COL7A1: variants seen among roughly 807,000 people sequenced by gnomAD.
COL7A1 encodes the protein collagen alpha-1(VII) chain.
A neutral mutation model predicts 456.2 loss-of-function variants in COL7A1; 296 were observed. The ratio of observed to expected loss-of-function variants is 0.65; its 90% confidence interval spans 0.59 to 0.71. The LOEUF is 0.71. Among genes scored for constraint, COL7A1 ranks in the 30% least tolerant of loss-of-function variants. The pLI is 0.00. For synonymous variants in COL7A1, 1,464 were observed against 1,525.9 expected, an observed-to-expected ratio of 0.96 and a Z score of 0.95; for missense variants, 3,441 against 4,017.2, an observed-to-expected ratio of 0.86 and a Z score of 3.88.
At position 48,574,174 on chromosome 3, in the gene COL7A1, C is replaced by A; in HGVS notation, c.6501+88G>T. The A allele has an allele frequency of 6.6e-7, 1 of 1,516,820 alleles. No individual in the cohort carries two copies. The highest frequency in any genetic ancestry group is 9.1e-7 in the Non-Finnish European group (1 of 1,095,774). The allele number at this position is 1,516,820 out of a possible 1,614,324, so 94.0% of individuals were successfully genotyped here. ...ACACAGACACAGGTACACACAAACA[C>A]ACACACACAGACATGCACACACACA... On this transcript the variant is annotated intron_variant, in intron 80 of 118. Transcript: ENST00000681320. This position sits in a 1 kb window ranked among gnomAD's most constrained non-coding sequence, Gnocchi z 5.0.
Position 48,571,783 on chromosome 3 carries a change from A to G in COL7A1, c.7068+218T>C. Reference sequence around the variant, plus strand: ...CCCAGATGTGGTGAGAAACAGACCAAGGATGGGCACACAGAAGCCAAGACA... The same window carrying G: ...CCCAGATGTGGTGAGAAACAGACCAGGGATGGGCACACAGAAGCCAAGACA... On this transcript the variant is annotated intron_variant, in intron 92 of 118. Coordinates refer to ENST00000681320, the MANE Select transcript of COL7A1 (RefSeq NM_000094.4). This position sits in a 1 kb window ranked among gnomAD's most constrained non-coding sequence, Gnocchi z 4.6. 1.5e-6 allele frequency: 1 copy of G among 647,056 alleles called. No homozygotes were observed. The highest frequency in any genetic ancestry group is 2.8e-6 in the Non-Finnish European group (1 of 360,910). 40.1% of individuals were successfully genotyped at this position (647,056 alleles called of 1,614,324 possible).
chr3:48,580,323 G>A lies in COL7A1; in HGVS notation c.5074C>T (p.Pro1692Ser). 6.8e-6 allele frequency: 11 copies of A among 1,610,530 alleles called. No homozygotes were observed. The highest frequency in any genetic ancestry group is 9.3e-6 in the Non-Finnish European group (11 of 1,178,358). ...ACCGGCTCCCCACGGTCACCCTTGG[G>A]TCCAGATGATCCAGGGCTGCCCTGC... is the stretch of plus-strand genomic sequence containing the variant. ...GRNGSPGSSGPKGDRGEPGPP... is the reference protein window; with the variant it reads ...GRNGSPGSSGSKGDRGEPGPP... Residue 1692 changes from proline to serine, a missense_variant, in exon 56 of 119, where the codon CCC becomes TCC. Coordinates refer to ENST00000681320, the MANE Select transcript of COL7A1 (RefSeq NM_000094.4). The surrounding 1 kb of genome is among the most constrained non-coding windows in gnomAD (Gnocchi z 4.5).
At chr3:48,584,101 C>G (rs1353713753) in intron 37 of COL7A1, 40 bp from the exon 38 acceptor site, 4 of 1,614,156 alleles carry the variant, frequency 2.5e-6, no homozygotes, top group Non-Finnish European at 3.4e-6. Flanking sequence ...TGGGCCACAC[C>G]TCACTCCCAA....
chr3:48,594,698 G>A lies in COL7A1; in HGVS notation c.86-150C>T. 1 of 970,230 alleles carries A rather than the reference G, an allele frequency of 1.0e-6. No homozygotes were observed. Among genetic ancestry groups the A allele is most frequent in the Non-Finnish European group, 1.5e-6 (1 of 657,234 alleles). The allele number at this position is 970,230 out of a possible 1,614,324, so 60.1% of individuals were successfully genotyped here. A position where few individuals can be genotyped will look rare whatever the true frequency, so the allele number is the denominator to read the frequency against. The stretch of plus-strand genomic sequence containing the variant: ...GAATCGGCCTGAGCCTGAGGGCCTT[G>A]GAGGGAGTTGAGCTCGGTGGGTCCC... On this transcript the variant is annotated intron_variant, in intron 2 of 118. Coordinates refer to ENST00000681320, the MANE Select transcript of COL7A1 (RefSeq NM_000094.4). This position sits in a 1 kb window ranked among gnomAD's most constrained non-coding sequence, Gnocchi z 5.5.
rs375356289 is a variant in COL7A1, at chr3:48,565,563, C to A, written c.8441-67G>T. ...TGGGCAGCCATCCCAGCCAACCCCC[C>A]TGAGAGGACCCCAGTTGATAGGCAG... On this transcript the variant is annotated intron_variant, in intron 115 of 118. Coordinates refer to ENST00000681320, the MANE Select transcript of COL7A1 (RefSeq NM_000094.4). The surrounding 1 kb of genome is among the most constrained non-coding windows in gnomAD (Gnocchi z 4.5). 1.3e-5 allele frequency: 21 copies of A among 1,614,044 alleles called. No homozygotes were observed. Among genetic ancestry groups the A allele is most frequent in the Admixed American group, 8.3e-5 (5 of 60,026 alleles).
Position 48,567,402 on chromosome 3 carries a change from T to A in COL7A1, c.8046+172A>T. 2.0e-6 allele frequency: 2 copies of A among 995,938 alleles called. No individual in the cohort carries two copies. The highest frequency in any genetic ancestry group is 3.1e-6 in the Non-Finnish European group (2 of 649,958). 61.7% of individuals were successfully genotyped at this position (995,938 alleles called of 1,614,324 possible). A position where few individuals can be genotyped will look rare whatever the true frequency, so the allele number is the denominator to read the frequency against. On this transcript the variant is annotated intron_variant, in intron 109 of 118. Transcript: ENST00000681320. The surrounding 1 kb of genome is among the most constrained non-coding windows in gnomAD (Gnocchi z 4.3). ...CCCTCCACCTCCCATGCTTTCATCC[T>A]AACTCCACTGTGACCCCAACCCACC...
At position 48,589,437 on chromosome 3, in the gene COL7A1, G is replaced by A; in HGVS notation, c.2204C>T (p.Ala735Val). The A allele has an allele frequency of 6.2e-7, 1 of 1,613,730 alleles. No individual in the cohort carries two copies. Among genetic ancestry groups the A allele is most frequent in the Non-Finnish European group, 8.5e-7 (1 of 1,180,008 alleles). ...CAGTCCATCCAGCTCAGCCACCGTG[G>A]CCTCCCCAGAAACCAACTGGGATTT... ...PEKSQLVSGE[A>V]TVAELDGLEP... The change falls in exon 18 of 119, where the codon GCC (alanine) becomes GTC (valine). Residue 735 changes from alanine to valine, a missense_variant. Around this residue, in one of 3 missense-constraint regions of COL7A1, gnomAD observed 913 missense variants for 1,088.2 expected, o/e 0.84. Transcript: ENST00000681320.
At position 48,567,233 on chromosome 3, in the gene COL7A1, CCTCAG is replaced by C. The variant is rs2043648871; in HGVS notation, c.8047-48_8047-44del. ...ATGAGAGACCTTCTGCCCTGACCTC[CCTCAG>C]CTCTGGAACCTCCCTGAACTCCCAT... On this transcript the variant is annotated intron_variant, in intron 109 of 118. Coordinates refer to ENST00000681320, the MANE Select transcript of COL7A1 (RefSeq NM_000094.4). The surrounding 1 kb of genome is among the most constrained non-coding windows in gnomAD (Gnocchi z 4.3). 1.9e-6 allele frequency: 3 copies of C among 1,610,588 alleles called. No homozygotes were observed. Among genetic ancestry groups the C allele is most frequent in the Non-Finnish European group, 2.5e-6 (3 of 1,178,346 alleles).
At chr3:48,584,691 C>T in intron 35 of COL7A1, 43 bp downstream of exon 35, 1 of 1,613,912 alleles carries the variant, frequency 6.2e-7, no homozygotes. Flanking sequence ...AGTCCTGCTC[C>T]TCCCTGGGAC....
chr3:48,572,191 G>A lies in COL7A1; in HGVS notation c.6979-20C>T. 6.2e-7 allele frequency: 1 copy of A among 1,614,084 alleles called. No homozygotes were observed. Among genetic ancestry groups the A allele is most frequent in the East Asian group, 2.2e-5 (1 of 44,866 alleles). ...GGCTCCCTGTTGACAGAGGTCAGGA[G>A]GCAACACAGGCATCAGTCACAGAAA... On this transcript the variant is annotated intron_variant, in intron 90 of 118. Transcript: ENST00000681320. This position sits in a 1 kb window ranked among gnomAD's most constrained non-coding sequence, Gnocchi z 4.6.
rs1056456275 is a variant in COL7A1, at chr3:48,566,371, T to C, written c.8359-56A>G. ...GAACCCATGGCCCACAGGAAGGACA[T>C]AGGGCACATAATACAGGGACTATGG... On this transcript the variant is annotated intron_variant, in intron 113 of 118. Coordinates refer to ENST00000681320, the MANE Select transcript of COL7A1 (RefSeq NM_000094.4). The surrounding 1 kb of genome is among the most constrained non-coding windows in gnomAD (Gnocchi z 5.9). 5 of 1,604,044 alleles carry C rather than the reference T, an allele frequency of 3.1e-6. No homozygotes were observed. Among genetic ancestry groups the C allele is most frequent in the Non-Finnish European group, 4.3e-6 (5 of 1,173,940 alleles).
chr3:48,582,291 T>C, intron 47 of COL7A1, 32 bp downstream of exon 47: 1 of 1,613,854 alleles, frequency 6.2e-7, no homozygotes, highest in Non-Finnish European at 8.5e-7. Context: ...AGGGCTGTGC[T>C]GTGCTCAGAG....
In COL7A1 at chr3:48,594,445, C is replaced by T. The variant is rs751585207; in HGVS notation, c.189G>A (p.Gly63=). ...CTGCTCCAGAGAAAGGCAGCACCAGCCCTTCGAGAAAGCTGCGGACCTCGC... is the reference window on the plus strand; with the variant it reads ...CTGCTCCAGAGAAAGGCAGCACCAGTCCTTCGAGAAAGCTGCGGACCTCGC... ...NFREVRSFLE[G]LVLPFSGAAS... Residue 63 remains glycine, a synonymous_variant, in exon 3 of 119, where the codon GGG becomes GGA. Coordinates refer to ENST00000681320, the MANE Select transcript of COL7A1 (RefSeq NM_000094.4). The surrounding 1 kb of genome is among the most constrained non-coding windows in gnomAD (Gnocchi z 5.5). The T allele has an allele frequency of 6.2e-7, 1 of 1,612,180 alleles. No individual in the cohort carries two copies. The highest frequency in any genetic ancestry group is 8.5e-7 in the Non-Finnish European group (1 of 1,180,038).
chr3:48,588,528 G>T lies in COL7A1; in HGVS notation c.2587+114C>A. On this transcript the variant is annotated intron_variant, in intron 20 of 118. Coordinates refer to ENST00000681320, the MANE Select transcript of COL7A1 (RefSeq NM_000094.4). The surrounding 1 kb of genome is among the most constrained non-coding windows in gnomAD (Gnocchi z 4.6). The stretch of plus-strand genomic sequence containing the variant: ...ACCCCTCTCCCTCCTCTCAGACCCT[G>T]CCCCCAAAGGCTCACTACCAATCCT... The T allele has an allele frequency of 6.2e-7, 1 of 1,603,618 alleles. No homozygotes were observed. The highest frequency in any genetic ancestry group is 8.5e-7 in the Non-Finnish European group (1 of 1,175,500).
rs2045252746 is a variant in COL7A1, at chr3:48,586,278, C to G, written c.3551-32G>C. 30 of 1,613,628 alleles carry G rather than the reference C, an allele frequency of 1.9e-5. No homozygotes were observed. The highest frequency in any genetic ancestry group is 2.5e-5 in the Non-Finnish European group (29 of 1,180,052). On this transcript the variant is annotated intron_variant, in intron 27 of 118. Transcript: ENST00000681320. The surrounding 1 kb of genome is among the most constrained non-coding windows in gnomAD (Gnocchi z 5.1). ...TGGGGTCCAGTGGCTGCATGATAGCCTTTTCAGGGCCACCCCTATTCCCAG... is the reference window on the plus strand; with the variant it reads ...TGGGGTCCAGTGGCTGCATGATAGCGTTTTCAGGGCCACCCCTATTCCCAG...
rs1335363915 is a variant in COL7A1 at position 48,595,155 on chromosome 3, G to A, written c.5C>T (p.Thr2Met). 4 of 1,551,786 alleles carry A rather than the reference G, an allele frequency of 2.6e-6. No individual in the cohort carries two copies. Among genetic ancestry groups the A allele is most frequent in the Non-Finnish European group, 3.5e-6 (4 of 1,147,716 alleles). Residue 2 changes from threonine (T) to methionine (M), a missense_variant, in exon 2 of 119, where the codon ACG becomes ATG. Coordinates refer to ENST00000681320, the MANE Select transcript of COL7A1 (RefSeq NM_000094.4). ...GAGCGCGGCCACCAGAAGCCGCAGC[G>A]TCATCCTAGGCAGTAAAAGCCGTCA... The part of the protein sequence containing the change: M[T>M]LRLLVAALCA...
chr3:48,572,548 A>G lies in COL7A1; in HGVS notation c.6901-10T>C. ...GGAGCCCGACCACAGCCTGTGGGGA[A>G]TGCTAGTGAGTTTCCTCCTCCTCCC... is the stretch of plus-strand genomic sequence containing the variant. On this transcript the variant is annotated splice_polypyrimidine_tract_variant and intron_variant, in intron 88 of 118. Coordinates refer to ENST00000681320, the MANE Select transcript of COL7A1 (RefSeq NM_000094.4). This position sits in a 1 kb window ranked among gnomAD's most constrained non-coding sequence, Gnocchi z 4.6. 6.2e-7 allele frequency: 1 copy of G among 1,613,254 alleles called. No individual in the cohort carries two copies. The highest frequency in any genetic ancestry group is 8.5e-7 in the Non-Finnish European group (1 of 1,179,618).
At position 48,584,486 on chromosome 3, in the gene COL7A1, G is replaced by A. The variant is rs140403507; in HGVS notation, c.4118C>T (p.Ser1373Leu). 4.0e-4 allele frequency: 646 copies of A among 1,613,790 alleles called. 6 individuals are homozygous for A. The East Asian group carries it at 0.014, about 35-fold the overall frequency. Reference protein sequence around the residue: ...LPGRKGDPGPSGPPGPRGPLG... With the variant: ...LPGRKGDPGPLGPPGPRGPLG... Reference sequence around the variant, plus strand: ...TGCCTCCACATACCCTGCACTTACCGATGGTCCAGGGTCCCCTTTCCGCCC... The same window carrying A: ...TGCCTCCACATACCCTGCACTTACCAATGGTCCAGGGTCCCCTTTCCGCCC... The change falls in exon 36 of 119, where the codon TCG becomes TTG. Residue 1373 changes from serine (S) to leucine (L), a missense_variant and splice_region_variant. This residue lies in a region of COL7A1 where 2,084 missense variants were observed against 2,501.3 expected (regional missense o/e 0.83). Transcript: ENST00000681320.
intron 44 of COL7A1, 76 bp downstream of exon 44, chr3:48,582,937 G>A (rs1240518321): frequency 1.0e-5 from 16 of 1,606,356 alleles, no homozygotes; most frequent in Admixed American, 1.7e-5. Flanking sequence ...GGTAGCAGGG[G>A]TCAAGGGCAA....
Sources: gnomAD v4.1 joint callset for allele counts on GRCh38, gnomAD v4.1.1 for gene constraint, gnomAD v4.1.1 regional missense constraint, Gnocchi (gnomAD v3.1) non-coding constraint, MANE v1.5 for transcripts, NCBI Gene and HGNC (gene_info 2026-07-23, HGNC 2026-07-21) for gene names.